The following ALPL variants were observed in gnomAD, a reference collection of about 807,000 sequenced individuals.
ALPL encodes alkaline phosphatase, tissue-nonspecific isozyme.
In ALPL, 42 loss-of-function variants were observed where a neutral mutation model predicts 51.3. That is an observed-to-expected ratio of 0.82 (90% CI 0.64 to 1.06). ALPL has a LOEUF of 1.06. Among genes scored for constraint, ALPL ranks in the 50% least tolerant of loss-of-function variants. The pLI is 0.00. For synonymous variants in ALPL, 279 were observed against 296.4 expected, an observed-to-expected ratio of 0.94 and a Z score of 0.60; for missense variants, 589 against 709.4, an observed-to-expected ratio of 0.83 and a Z score of 1.93.
chr1:21,554,280 AGCCCT>A, intron 2 of ALPL, 138 bp downstream of exon 2: 3 of 819,772 alleles, frequency 3.7e-6, no homozygotes, highest in South Asian at 2.8e-5. Context: ...AGGAAACCTC[AGCCCT>A]GCTACTTGCA....
intron 1 of ALPL, among the ~76,000 whole-genome samples, chr1:21,529,593 G>A (rs1048344485): frequency 8.5e-5 from 13 of 152,064 alleles, no homozygotes; most frequent in African/African-American, 3.1e-4. Flanking sequence ...CTCCTCCATC[G>A]TTCAGCAGCT....
intron 6 of ALPL, among the ~76,000 whole-genome samples, chr1:21,566,135 ACT>A (rs1427307165): frequency 2.7e-5 from 4 of 150,196 alleles, no homozygotes; most frequent in Non-Finnish European, 5.9e-5. Context: ...GAGAGCAAGG[ACT>A]CTGCCTCTCT....
intron 6 of ALPL, 95 bp from the exon 7 acceptor site, chr1:21,568,009 C>A: frequency 5.1e-6 from 8 of 1,557,182 alleles, no homozygotes; most frequent in Non-Finnish European, 7.1e-6. Context: ...CACACCATCT[C>A]CAGGGACTCC....
intron 1 of ALPL, among the ~76,000 whole-genome samples, chr1:21,545,284 T>C (rs1644239349): frequency 6.6e-6 from 1 of 151,782 alleles, no homozygotes; most frequent in Admixed American, 6.6e-5. Flanking sequence ...TTTTTTTGTT[T>C]TTGTTTTTGT....
intron 3 of ALPL, 23 bp from the exon 4 acceptor site, chr1:21,561,074 G>C (rs776012191): frequency 1.3e-6 from 2 of 1,585,080 alleles, no homozygotes; most frequent in Admixed American, 3.5e-5. Flanking sequence ...ACGAGAGACT[G>C]AGGCCCCCAC....
chr1:21,556,871 G>A (rs776514180), intron 2 of ALPL, among the ~76,000 whole-genome samples: 8 of 152,118 alleles, frequency 5.3e-5, no homozygotes, highest in Non-Finnish European at 1.2e-4. Flanking sequence ...CCCAGGAGGC[G>A]GAGGTTGCAG....
intron 1 of ALPL, among the ~76,000 whole-genome samples, chr1:21,532,674 ACAGCTCCCTGT>A (rs1241368938): frequency 1.3e-5 from 2 of 152,328 alleles, no homozygotes; most frequent in Admixed American, 1.3e-4. Context: ...CGTGCACCTT[ACAGCTCCCTGT>A]TCTCCAGGAA....
At chr1:21,536,694 G>T (rs559955805) in intron 1 of ALPL, among the ~76,000 whole-genome samples, 1 of 152,014 alleles carries the variant, frequency 6.6e-6, no homozygotes, top group Non-Finnish European at 1.5e-5. Context: ...AGCTGGAGGC[G>T]GGATCAGTCC....
At chr1:21,524,151 G>A (rs531241269) in intron 1 of ALPL, among the ~76,000 whole-genome samples, 6 of 151,960 alleles carry the variant, frequency 3.9e-5, no homozygotes, top group Non-Finnish European at 5.9e-5. Flanking sequence ...TTACAGGCGC[G>A]TGCCACCACA....
At chr1:21,544,208 A>G (rs1350267301) in intron 1 of ALPL, among the ~76,000 whole-genome samples, 1 of 152,198 alleles carries the variant, frequency 6.6e-6, no homozygotes, top group African/African-American at 2.4e-5. Flanking sequence ...TGAATGGGAA[A>G]CCAATGTTAG....
intron 1 of ALPL, among the ~76,000 whole-genome samples, chr1:21,538,489 G>T (rs528572500): frequency 6.6e-6 from 1 of 152,190 alleles, no homozygotes; most frequent in Non-Finnish European, 1.5e-5. Context: ...CTCTGCGCCC[G>T]CCACCCAGGG....
chr1:21,552,862 A>T (rs1644351932), intron 1 of ALPL, among the ~76,000 whole-genome samples: 1 of 152,176 alleles, frequency 6.6e-6, no homozygotes, highest in African/African-American at 2.4e-5. Flanking sequence ...AAATGGTGTC[A>T]TATCTTGGTT....
chr1:21,524,093 T>G (rs1350035107), intron 1 of ALPL, among the ~76,000 whole-genome samples: 2 of 129,850 alleles, frequency 1.5e-5, no homozygotes, highest in African/African-American at 3.0e-5. Flanking sequence ...CACCTCCACC[T>G]CCCAGGTTCA....
At chr1:21,514,851 T>C (rs7538283) in intron 1 of ALPL, among the ~76,000 whole-genome samples, 49,368 of 151,920 alleles carry the variant, frequency 0.32, 8,781 homozygotes, top group East Asian at 0.47. Flanking sequence ...TACCCCCTAC[T>C]CTCCAGCATT....
Position 21,551,256 on chromosome 1 carries a change from A to C in ALPL, c.-104-2722A>C, listed in dbSNP as rs997605852. ...GCCAAGCACTAGGAGGGCAGAGACA[A>C]ACAAGACAAAGTCCTCACACTTAGA... On this transcript the variant is annotated intron_variant, in intron 1 of 11. Coordinates refer to ENST00000374840, the MANE Select transcript of ALPL (RefSeq NM_000478.6). The C allele has an allele frequency of 2.0e-5, 3 of 152,178 alleles. 1 individual carries two copies. Among genetic ancestry groups the C allele is most frequent in the Admixed American group, 2.0e-4 (3 of 15,260 alleles). 9.4% of individuals were successfully genotyped at this position (152,178 alleles called of 1,614,324 possible). A position where few individuals can be genotyped will look rare whatever the true frequency, so the allele number is the denominator to read the frequency against.
In ALPL at chr1:21,509,913, C is replaced by T. The variant is rs1259442041; in HGVS notation, c.-105+396C>T. Among the ~76,000 whole-genome samples the T allele has an allele frequency of 1.3e-5, 2 of 152,348 alleles. No homozygotes were observed. The highest frequency in any genetic ancestry group is 3.9e-4 in the East Asian group (2 of 5,178). On this transcript the variant is annotated intron_variant, in intron 1 of 11. Coordinates refer to ENST00000374840, the MANE Select transcript of ALPL (RefSeq NM_000478.6). The surrounding 1 kb of genome is among the most constrained non-coding windows in gnomAD (Gnocchi z 6.0). The stretch of plus-strand genomic sequence containing the variant: ...GAGCCCCTCCTGGTGCCTCCTTAGC[C>T]GTAGCTCTAGAGACCTGGGCTGCCA...
At chr1:21,554,799 G>T (rs375171455) in intron 2 of ALPL, among the ~76,000 whole-genome samples, 800 of 41,080 alleles carry the variant, frequency 0.019, 31 homozygotes, top group African/African-American at 0.081. Context: ...CTGTCTGTCT[G>T]TCTGTCTGTC....
chr1:21,576,816 G>A (rs557042899), intron 11 of ALPL, among the ~76,000 whole-genome samples, 175 bp downstream of exon 11: 123 of 152,110 alleles, frequency 8.1e-4, no homozygotes, highest in Non-Finnish European at 1.2e-3. Flanking sequence ...AGTTTGAATC[G>A]CCTTCTACAA....
At chr1:21,514,449 C>T (rs1273273097) in intron 1 of ALPL, among the ~76,000 whole-genome samples, 4 of 152,210 alleles carry the variant, frequency 2.6e-5, no homozygotes, top group Non-Finnish European at 5.9e-5. Context: ...ATCTTGCACT[C>T]TGAACCCACA....
Sources: allele counts gnomAD v4.1 joint callset (sites outside exome capture counted in the v4.1 genomes callset), GRCh38; gene constraint gnomAD v4.1.1; non-coding constraint Gnocchi (gnomAD v3.1); transcripts MANE v1.5; gene names NCBI Gene and HGNC (gene_info 2026-07-23, HGNC 2026-07-21).